The following GPN1 variants were observed in gnomAD, a reference collection of about 807,000 sequenced individuals.
GPN1 encodes ATP(GTP)-binding protein.
GPN1 carries 44 observed loss-of-function variants against 55.9 expected under a neutral mutation model. The ratio of observed to expected loss-of-function variants is 0.79; its 90% CI spans 0.62 to 1.01. The LOEUF (loss-of-function observed/expected upper bound fraction) is 1.01. Ranked by LOEUF, GPN1 falls within the 50% of genes least tolerant of loss-of-function variation. The pLI, the probability that GPN1 is intolerant of heterozygous loss-of-function variation, is 0.00. For missense variants in GPN1, 466 were observed against 462.8 expected (o/e 1.01, Z -0.06); for synonymous variants, 179 against 162.5 (o/e 1.10, Z -0.77).
intron 12 of GPN1, 49 bp downstream of exon 12, chr2:27,642,568 T>C: frequency 9.2e-7 from 1 of 1,090,448 alleles, no homozygotes; most frequent in Non-Finnish European, 1.4e-6. Flanking sequence ...GTTACACTTC[T>C]TTCTTTTATT....
chr2:27,632,646 T>C lies in GPN1; in HGVS notation c.326T>C (p.Ile109Thr). Residue 109 changes from isoleucine (I) to threonine (T), a missense_variant, in exon 5 of 14, where the codon ATT (isoleucine) becomes ACT (threonine). By Grantham distance (89) the Ile-to-Thr change is moderately conservative. Transcript: ENST00000610189. The part of the protein sequence containing the change: ...ATRFDQVMKF[I>T]EKAQNMSKYV... ...TTTTTCTTTTAGGTGATGAAATTTA[T>C]TGAGAAGGCCCAGAACATGTCCAAG... 1 of 1,601,670 alleles carries C rather than the reference T, an allele frequency of 6.2e-7. No individual in the cohort carries two copies. Among genetic ancestry groups the C allele is most frequent in the Non-Finnish European group, 8.6e-7 (1 of 1,168,672 alleles).
Position 27,650,814 on chromosome 2 carries a change from T to C in GPN1, c.*614T>C, listed in dbSNP as rs764484807. On this transcript the variant is annotated 3_prime_UTR_variant, in exon 14 of 14. Transcript: ENST00000610189. ...ATTAATGAATCAGAATCCTGTTTCA[T>C]TGGTGACTTGGATAAAGACTTTTTA... 6.5e-6 allele frequency: 1 copy of C among 152,836 alleles called. No homozygotes were observed. The highest frequency in any genetic ancestry group is 2.4e-5 in the African/African-American group (1 of 41,480). The allele number at this position is 152,836 out of a possible 1,614,324, so 9.5% of individuals were successfully genotyped here.
chr2:27,637,053 A>G (rs1673761251), intron 7 of GPN1, among the ~76,000 whole-genome samples: 1 of 152,020 alleles, frequency 6.6e-6, no homozygotes, highest in Non-Finnish European at 1.5e-5. Context: ...CAACCCCTGC[A>G]GAGACCAGCC....
Position 27,629,925 on chromosome 2 carries a change from C to T in GPN1, c.178C>T (p.His60Tyr). 1 of 1,602,840 alleles carries T rather than the reference C, an allele frequency of 6.2e-7. No individual in the cohort carries two copies. The highest frequency in any genetic ancestry group is 8.5e-7 in the Non-Finnish European group (1 of 1,169,650). Residue 60 changes from histidine (H) to tyrosine (Y), a missense_variant, in exon 2 of 14, where the codon CAT becomes TAT. Physicochemically the swap from His to Tyr is moderately conservative, Grantham distance 83. Transcript: ENST00000610189. ...PYVINLDPAV[H>Y]EVPFPANIDI... ...TGTGATCAACCTGGATCCAGCAGTA[C>T]ATGAAGTTCCCTTTCCTGCCAATAT...
chr2:27,630,345 T>C (rs1383996518), intron 2 of GPN1, among the ~76,000 whole-genome samples: 1 of 151,814 alleles, frequency 6.6e-6, no homozygotes, highest in Admixed American at 6.6e-5. Flanking sequence ...ACTATCTACT[T>C]TCATTTCCTT....
At chr2:27,628,918 G>C, upstream of GPN1, 2 of 1,491,788 alleles carry the variant, frequency 1.3e-6, no homozygotes, top group East Asian at 2.4e-5. Flanking sequence ...CCGACGCTAA[G>C]AAGATGCCCT....
intron 4 of GPN1, among the ~76,000 whole-genome samples, 180 bp from the exon 5 acceptor site, chr2:27,632,453 G>A (rs1008079074): frequency 6.6e-6 from 1 of 152,232 alleles, no homozygotes; most frequent in Non-Finnish European, 1.5e-5. Context: ...TGCTGCTGAT[G>A]TGGCTGTGTT....
In GPN1 at chr2:27,629,906, C is replaced by G. The variant is rs774413011; in HGVS notation, c.159C>G (p.Ile53Met). ...CCCAAGGCACTCCACCGTATGTGAT[C>G]AACCTGGATCCAGCAGTACATGAAG... ...LHAQGTPPYV[I>M]NLDPAVHEVP... Residue 53 changes from isoleucine (I) to methionine (M), a missense_variant, in exon 2 of 14, where the codon ATC (isoleucine) becomes ATG (methionine). Coordinates refer to ENST00000610189, the MANE Select transcript of GPN1 (RefSeq NM_007266.4). 6.2e-6 allele frequency: 10 copies of G among 1,610,154 alleles called. No individual in the cohort carries two copies. In the South Asian group the frequency reaches 1.1e-4, roughly 18 times the overall value.
intron 12 of GPN1, among the ~76,000 whole-genome samples, chr2:27,646,752 T>C (rs570947753): frequency 6.6e-6 from 1 of 152,296 alleles, no homozygotes; most frequent in East Asian, 1.9e-4. Flanking sequence ...TTTTTTTTTC[T>C]GGGACATCTT....
intron 2 of GPN1, among the ~76,000 whole-genome samples, chr2:27,630,297 T>C (rs1487113208): frequency 2.6e-5 from 4 of 151,896 alleles, no homozygotes; most frequent in Non-Finnish European, 5.9e-5. Flanking sequence ...GCCTCCAGCC[T>C]GCCAGTCTTC....
chr2:27,650,099 CCTT>C lies in GPN1; in HGVS notation c.1040-15_1040-13del. The stretch of plus-strand genomic sequence containing the variant: ...AATGAAAGAGTTGAAAAAGAATTGC[CCTT>C]TTTTCCTTGCAGTTACAGAGGAAAG... On this transcript the variant is annotated splice_polypyrimidine_tract_variant and intron_variant, in intron 13 of 13. Transcript: ENST00000610189. 6.9e-7 allele frequency: 1 copy of C among 1,456,338 alleles called. No homozygotes were observed. Among genetic ancestry groups the C allele is most frequent in the Non-Finnish European group, 9.6e-7 (1 of 1,036,566 alleles). The allele number at this position is 1,456,338 out of a possible 1,614,324, so 90.2% of individuals were successfully genotyped here.
intron 9 of GPN1, among the ~76,000 whole-genome samples, chr2:27,639,632 G>A (rs973046293): frequency 6.6e-6 from 1 of 151,912 alleles, no homozygotes. Context: ...GGATCCTCCT[G>A]CCTCAGCTTA....
At chr2:27,628,362 G>C, upstream of GPN1, 3 of 1,525,642 alleles carry the variant, frequency 2.0e-6, no homozygotes, top group Non-Finnish European at 2.6e-6. Context: ...AGTGACTGGA[G>C]GGGAGGAAGC....
intron 12 of GPN1, among the ~76,000 whole-genome samples, chr2:27,642,958 T>TACACACACAC (rs1553358324): frequency 0.012 from 1,521 of 122,596 alleles, 23 homozygotes; most frequent in Non-Finnish European, 0.015. Context: ...TATATATATA[T>TACACACACAC]ACACACACAC....
At chr2:27,639,938 A>G (rs933930795) in intron 9 of GPN1, 105 bp from the exon 10 acceptor site, 4 of 839,742 alleles carry the variant, frequency 4.8e-6, no homozygotes, top group East Asian at 2.4e-5. Flanking sequence ...TTCTCAAAAT[A>G]TAAACCACTC....
At chr2:27,631,344 T>C (rs1396299331) in intron 3 of GPN1, 1 of 490,312 alleles carries the variant, frequency 2.0e-6, no homozygotes, top group Admixed American at 3.8e-5. Context: ...TATTTTGCCT[T>C]GGAGGATCAT....
At chr2:27,631,624 C>T in intron 3 of GPN1, 1 of 584,262 alleles carries the variant, frequency 1.7e-6, no homozygotes. Flanking sequence ...CTTCATTTTG[C>T]CTGACCACTC....
At chr2:27,648,442 C>G (rs1422663373) in intron 13 of GPN1, among the ~76,000 whole-genome samples, 1 of 151,980 alleles carries the variant, frequency 6.6e-6, no homozygotes, top group East Asian at 1.9e-4. Context: ...TTGCTTGAGC[C>G]CAGAAGTTTG....
chr2:27,628,403 C>CCAAG (rs1215865827), upstream of GPN1: 1 of 1,551,232 alleles, frequency 6.4e-7, no homozygotes, highest in Admixed American at 2.0e-5. Flanking sequence ...CACCTGGAAT[C>CCAAG]CAAGCATTCA....
Sources: gnomAD v4.1 joint callset for allele counts (sites outside exome capture counted in the v4.1 genomes callset) on GRCh38, gnomAD v4.1.1 for gene constraint, MANE v1.5 for transcripts, NCBI Gene and HGNC (gene_info 2026-07-23, HGNC 2026-07-21) for gene names.